MEGF9: variants seen among roughly 807,000 people sequenced by gnomAD.
MEGF9 encodes the protein multiple epidermal growth factor-like domains protein 9.
Under a neutral mutation model 46.8 loss-of-function variants are expected in MEGF9, and 6 were observed. The observed-to-expected ratio is 0.13, with a 90% CI of 0.07 to 0.25. The LOEUF is 0.25. Among genes scored for constraint, MEGF9 ranks in the 10% least tolerant of loss-of-function variants. The probability of loss-of-function intolerance (pLI) is 1.00; values close to 1 mark genes in which losing one functional copy is unlikely to be tolerated. For missense variants in MEGF9, 683 were observed against 792.4 expected, an observed-to-expected ratio of 0.86 and a Z score of 1.66; for synonymous variants, 302 against 330.7, an observed-to-expected ratio of 0.91 and a Z score of 0.94.
At chr9:120,670,083 T>C (rs2043741895) in intron 1 of MEGF9, among the ~76,000 whole-genome samples, 1 of 152,162 alleles carries the variant, frequency 6.6e-6, no homozygotes. Flanking sequence ...TGTACTCAAA[T>C]ACTTTACTCA....
At chr9:120,682,089 C>T (rs796950499) in intron 1 of MEGF9, among the ~76,000 whole-genome samples, 41 of 152,306 alleles carry the variant, frequency 2.7e-4, no homozygotes, top group African/African-American at 9.6e-4. Context: ...CTCTACCCTA[C>T]ATTTTTATTA....
At chr9:120,695,325 G>A (rs1470980720) in intron 1 of MEGF9, among the ~76,000 whole-genome samples, 2 of 151,974 alleles carry the variant, frequency 1.3e-5, no homozygotes, top group Non-Finnish European at 2.9e-5. Context: ...TAATCAAAAG[G>A]TCAGGCGCGG....
At chr9:120,660,274 A>AAATTTTAATTT (rs2043696364) in intron 1 of MEGF9, among the ~76,000 whole-genome samples, 1 of 152,170 alleles carries the variant, frequency 6.6e-6, no homozygotes, top group Non-Finnish European at 1.5e-5. Context: ...GTGAGTACAT[A>AAATTTTAATTT]GGTGTATAAG....
At chr9:120,688,130 AACACACACACACACACACACAC>A (rs34218836) in intron 1 of MEGF9, among the ~76,000 whole-genome samples, 2 of 142,526 alleles carry the variant, frequency 1.4e-5, no homozygotes, top group Non-Finnish European at 3.1e-5. Context: ...TCCTCTCCGC[AACACACACACACACACACACAC>A]ACACACACAC....
At chr9:120,623,901 T>A (rs934858816) in intron 2 of MEGF9, among the ~76,000 whole-genome samples, 4 of 152,238 alleles carry the variant, frequency 2.6e-5, no homozygotes, top group Non-Finnish European at 4.4e-5. Flanking sequence ...ATATGCTTAC[T>A]CCTCATTCCT....
chr9:120,682,659 T>C (rs2043803903), intron 1 of MEGF9, among the ~76,000 whole-genome samples: 1 of 152,132 alleles, frequency 6.6e-6, no homozygotes, highest in African/African-American at 2.4e-5. Flanking sequence ...ATGATTATGG[T>C]CCACTGTAGA....
chr9:120,708,511 T>C (rs894083354), intron 1 of MEGF9, among the ~76,000 whole-genome samples: 1 of 152,212 alleles, frequency 6.6e-6, no homozygotes, highest in Non-Finnish European at 1.5e-5. Context: ...AGATAACAAA[T>C]AAATAATTAA....
chr9:120,652,478 T>TAAAAAAAA (rs57268783), intron 2 of MEGF9, among the ~76,000 whole-genome samples: 10 of 85,594 alleles, frequency 1.2e-4, no homozygotes, highest in South Asian at 4.7e-4. Context: ...GATCTTGTCT[T>TAAAAAAAA]AAAAAAAAAA....
At chr9:120,623,779 T>G (rs1158195852) in intron 2 of MEGF9, among the ~76,000 whole-genome samples, 1 of 152,152 alleles carries the variant, frequency 6.6e-6, no homozygotes, top group African/African-American at 2.4e-5. Context: ...AACCAGTCAA[T>G]CGAAGCCACT....
intron 4 of MEGF9, among the ~76,000 whole-genome samples, chr9:120,611,832 AAAGGAAGG>A (rs200715578): frequency 2.8e-4 from 39 of 139,348 alleles, no homozygotes; most frequent in African/African-American, 9.0e-4. Flanking sequence ...GAAAAGAAAG[AAAGGAAGG>A]AAGGAAGGAA....
chr9:120,648,476 TTA>T (rs2043635029), intron 2 of MEGF9, among the ~76,000 whole-genome samples: 1 of 152,096 alleles, frequency 6.6e-6, no homozygotes, highest in East Asian at 1.9e-4. Context: ...GTCTTTTTCT[TTA>T]TACAAATTTC....
chr9:120,708,043 T>TCAAA (rs372901746), intron 1 of MEGF9, among the ~76,000 whole-genome samples: 2,493 of 149,424 alleles, frequency 0.017, 42 homozygotes, highest in Admixed American at 0.047. Flanking sequence ...AGACTCTGTC[T>TCAAA]CAAACAAACA....
At chr9:120,609,782 A>T (rs1027726560) in intron 4 of MEGF9, among the ~76,000 whole-genome samples, 3 of 152,200 alleles carry the variant, frequency 2.0e-5, no homozygotes, top group Non-Finnish European at 4.4e-5. Flanking sequence ...TCACCCTGTT[A>T]TCTAAACACA....
intron 1 of MEGF9, among the ~76,000 whole-genome samples, chr9:120,673,482 A>G (rs754574716): frequency 6.6e-5 from 10 of 152,234 alleles, no homozygotes; most frequent in Admixed American, 1.3e-4. Context: ...AAAAACCTAC[A>G]CAAAAGCCAA....
intron 1 of MEGF9, among the ~76,000 whole-genome samples, chr9:120,710,618 T>A (rs2043948942): frequency 1.3e-5 from 2 of 152,152 alleles, no homozygotes; most frequent in Admixed American, 1.3e-4. Context: ...AAAGAAATTA[T>A]TATTAATTCA....
chr9:120,655,456 T>G (rs561072373), intron 2 of MEGF9, among the ~76,000 whole-genome samples: 1 of 152,328 alleles, frequency 6.6e-6, no homozygotes, highest in African/African-American at 2.4e-5. Flanking sequence ...GTACATTCTA[T>G]GATGCTGTGT....
chr9:120,711,871 A>ACACACACACCCC (rs145059704), intron 1 of MEGF9, among the ~76,000 whole-genome samples: 2 of 150,108 alleles, frequency 1.3e-5, no homozygotes, highest in African/African-American at 2.5e-5. Context: ...ACACACACAC[A>ACACACACACCCC]CCCACAGGCC....
chr9:120,641,258 A>G (rs1282102082), intron 2 of MEGF9, among the ~76,000 whole-genome samples: 1 of 152,198 alleles, frequency 6.6e-6, no homozygotes, highest in Non-Finnish European at 1.5e-5. Context: ...TTCAATGACT[A>G]GCCCATGATA....
At chr9:120,622,507 G>T in intron 3 of MEGF9, 109 bp downstream of exon 3, 1 of 1,090,460 alleles carries the variant, frequency 9.2e-7, no homozygotes, top group Non-Finnish European at 1.3e-6. Flanking sequence ...CTACTTAGAA[G>T]ATAAAGGCCC....
Sources: gnomAD v4.1 joint callset for allele counts (sites outside exome capture counted in the v4.1 genomes callset) on GRCh38, gnomAD v4.1.1 for gene constraint, MANE v1.5 for transcripts, NCBI Gene and HGNC (gene_info 2026-07-23, HGNC 2026-07-21) for gene names.